The following CPT2 variants were observed in gnomAD, a reference collection of about 807,000 sequenced individuals.
CPT2 encodes carnitine O-palmitoyltransferase 2, mitochondrial.
A neutral mutation model predicts 48.6 loss-of-function variants in CPT2; 37 were observed. The observed-to-expected ratio is 0.76, with a 90% CI of 0.59 to 1.00. The LOEUF (loss-of-function observed/expected upper bound fraction) is 1.00, where lower values mean the gene tolerates loss of function less well. Ranked by LOEUF, CPT2 falls within the 50% of genes least tolerant of loss-of-function variation. The pLI is 0.00. For missense variants in CPT2, 772 were observed against 825.6 expected (o/e 0.94, Z 0.80); for synonymous variants, 319 against 326.9 (o/e 0.98, Z 0.26).
At position 53,213,256 on chromosome 1, in the gene CPT2, T is replaced by A. The variant is rs769778775; in HGVS notation, c.1646-8T>A. On this transcript the variant is annotated splice_polypyrimidine_tract_variant and splice_region_variant and intron_variant, in intron 4 of 4. Coordinates refer to ENST00000371486, the MANE Select transcript of CPT2 (RefSeq NM_000098.3). ...TGAGACTCTGGTTTTCCATTTTGTTTCTCACAGGCCAGGGCTTTGACCGAC... is the reference window on the plus strand; with the variant it reads ...TGAGACTCTGGTTTTCCATTTTGTTACTCACAGGCCAGGGCTTTGACCGAC... 1 of 1,614,050 alleles carries A rather than the reference T, an allele frequency of 6.2e-7. No individual in the cohort carries two copies. Among genetic ancestry groups the A allele is most frequent in the Non-Finnish European group, 8.5e-7 (1 of 1,180,026 alleles).
Position 53,210,457 on chromosome 1 carries a change from G to C in CPT2, c.783G>C (p.Gly261=). 1 of 1,614,132 alleles carries C rather than the reference G, an allele frequency of 6.2e-7. No individual in the cohort carries two copies. Among genetic ancestry groups the C allele is most frequent in the Non-Finnish European group, 8.5e-7 (1 of 1,180,044 alleles). The change falls in exon 4 of 5, where the codon GGG becomes GGC. Residue 261 remains glycine, a synonymous_variant. Transcript: ENST00000371486. The part of the protein sequence containing the change: ...FYIFDVLDQD[G]NIVSPSEIQA... ...TCTTTGATGTCCTGGATCAAGATGGGAACATTGTGAGCCCCTCGGAAATCC... is the reference window on the plus strand; with the variant it reads ...TCTTTGATGTCCTGGATCAAGATGGCAACATTGTGAGCCCCTCGGAAATCC...
At position 53,213,316 on chromosome 1, in the gene CPT2, A is replaced by C; in HGVS notation, c.1698A>C (p.Lys566Asn). The change falls in exon 5 of 5, where the codon AAA becomes AAC. Residue 566 changes from lysine (K) to asparagine (N), a missense_variant. Physicochemically the swap from Lys to Asn is moderately conservative, Grantham distance 94 (BLOSUM62 0). Coordinates refer to ENST00000371486, the MANE Select transcript of CPT2 (RefSeq NM_000098.3). ...LFALRHLAAA[K>N]GIILPELYLD... ...CTCTGCGGCATCTGGCAGCAGCCAAAGGGATCATCTTGCCTGAGCTCTACC... is the reference window on the plus strand; with the variant it reads ...CTCTGCGGCATCTGGCAGCAGCCAACGGGATCATCTTGCCTGAGCTCTACC... 2 of 1,614,238 alleles carry C rather than the reference A, an allele frequency of 1.2e-6. No homozygotes were observed. Among genetic ancestry groups the C allele is most frequent in the Non-Finnish European group, 1.7e-6 (2 of 1,180,038 alleles).
chr1:53,213,469 T>C lies in CPT2; in HGVS notation c.1851T>C (p.His617=), dbSNP rs540322467. 1.6e-4 allele frequency: 256 copies of C among 1,614,264 alleles called. No individual in the cohort carries two copies. In the South Asian group the frequency reaches 2.6e-3, roughly 17 times the overall value. The change falls in exon 5 of 5, where the codon CAT becomes CAC. Residue 617 remains histidine (H), a synonymous_variant. Coordinates refer to ENST00000371486, the MANE Select transcript of CPT2 (RefSeq NM_000098.3). ...SDGFGVGYAV[H]DNWIGCNVSS... is the part of the protein sequence containing the mutation. ...GCTTTGGTGTTGGGTATGCTGTTCA[T>C]GACAACTGGATAGGCTGCAATGTCT...
intron 3 of CPT2, among the ~76,000 whole-genome samples, chr1:53,206,825 C>T (rs1414425591): frequency 6.6e-6 from 1 of 152,174 alleles, no homozygotes; most frequent in East Asian, 1.9e-4. Flanking sequence ...TGAGTTAATG[C>T]TGGAATGAGT....
intron 1 of CPT2, 84 bp downstream of exon 1, chr1:53,197,179 A>G: frequency 6.7e-7 from 1 of 1,493,318 alleles, no homozygotes; most frequent in East Asian, 2.5e-5. Context: ...TGACTCCTCT[A>G]GTGAACCCGT....
In CPT2 at chr1:53,210,849, C is replaced by T. The variant is rs757683330; in HGVS notation, c.1175C>T (p.Thr392Ile). ...RFFNEVFKDS[T>I]QTPAVTPQSQ... Reference sequence around the variant, plus strand: ...TTTAATGAAGTATTTAAAGACAGCACTCAGACCCCTGCCGTCACTCCACAG... The same window carrying T: ...TTTAATGAAGTATTTAAAGACAGCATTCAGACCCCTGCCGTCACTCCACAG... Residue 392 changes from threonine (T) to isoleucine (I), a missense_variant, in exon 4 of 5, where the codon ACT becomes ATT. Physicochemically the swap from Thr to Ile is moderately conservative, Grantham distance 89 (BLOSUM62 -1). Coordinates refer to ENST00000371486, the MANE Select transcript of CPT2 (RefSeq NM_000098.3). The T allele has an allele frequency of 6.2e-7, 1 of 1,614,134 alleles. No individual in the cohort carries two copies. The highest frequency in any genetic ancestry group is 1.1e-5 in the South Asian group (1 of 91,080).
chr1:53,209,567 G>C (rs1357971501), intron 3 of CPT2: 1 of 210,840 alleles, frequency 4.7e-6, no homozygotes, highest in East Asian at 1.2e-4. Context: ...CCTGAGGTCA[G>C]GAGTTTGAGA....
intron 4 of CPT2, among the ~76,000 whole-genome samples, chr1:53,212,067 A>ATT (rs11441059): frequency 0.055 from 7,700 of 138,758 alleles, 623 homozygotes; most frequent in African/African-American, 0.17. Context: ...TGATATTTTA[A>ATT]TTTTTTTTTT....
In CPT2 at chr1:53,213,726, T is replaced by TGA; in HGVS notation, c.*134_*135dup. 1 of 810,064 alleles carries TGA rather than the reference T, an allele frequency of 1.2e-6. No homozygotes were observed. The highest frequency in any genetic ancestry group is 2.0e-6 in the Non-Finnish European group (1 of 494,080). The allele number at this position is 810,064 out of a possible 1,614,324, so 50.2% of individuals were successfully genotyped here. A position where few individuals can be genotyped will look rare whatever the true frequency, so the allele number is the denominator to read the frequency against. ...GGTGGATCACTTGAGGTCAGGAGTTTGAGACCAACCTGGCCAACATGGTGA... is the reference window on the plus strand; with the variant it reads ...GGTGGATCACTTGAGGTCAGGAGTTTGAGAGACCAACCTGGCCAACATGGTGA... On this transcript the variant is annotated 3_prime_UTR_variant, in exon 5 of 5. Transcript: ENST00000371486.
intron 4 of CPT2, among the ~76,000 whole-genome samples, chr1:53,212,429 G>A (rs948230735): frequency 6.6e-6 from 1 of 152,026 alleles, no homozygotes; most frequent in Admixed American, 6.6e-5. Context: ...CAAACTCCTG[G>A]GCTCAAGCAA....
At chr1:53,202,481 A>C (rs1645360189) in intron 3 of CPT2, 52 bp downstream of exon 3, 1 of 1,392,930 alleles carries the variant, frequency 7.2e-7, no homozygotes, top group African/African-American at 1.4e-5. Context: ...TCCATAATGA[A>C]AAGTAAGGCA....
At position 53,210,501 on chromosome 1, in the gene CPT2, T is replaced by C. The variant is rs1331933841; in HGVS notation, c.827T>C (p.Ile276Thr). 2 of 1,613,972 alleles carry C rather than the reference T, an allele frequency of 1.2e-6. No individual in the cohort carries two copies. Among genetic ancestry groups the C allele is most frequent in the East Asian group, 2.2e-5 (1 of 44,890 alleles). Reference protein sequence around the residue: ...PSEIQAHLKYILSDSSPAPEF... With the variant: ...PSEIQAHLKYTLSDSSPAPEF... Reference sequence around the variant, plus strand: ...GAAATCCAGGCACATCTGAAGTACATTCTCTCAGACAGCAGCCCCGCCCCC... The same window carrying C: ...GAAATCCAGGCACATCTGAAGTACACTCTCTCAGACAGCAGCCCCGCCCCC... The change falls in exon 4 of 5, where the codon ATT (isoleucine) becomes ACT (threonine). Residue 276 changes from isoleucine to threonine, a missense_variant. By Grantham distance (89) the Ile-to-Thr change is moderately conservative. Coordinates refer to ENST00000371486, the MANE Select transcript of CPT2 (RefSeq NM_000098.3).
intron 1 of CPT2, among the ~76,000 whole-genome samples, chr1:53,198,532 CTGTG>C (rs1458318197): frequency 1.3e-5 from 2 of 152,218 alleles, no homozygotes; most frequent in Admixed American, 6.5e-5. Context: ...CCCTGTCAAC[CTGTG>C]TGTATGAGCT....
At chr1:53,201,712 G>A (rs1261675259) in intron 2 of CPT2, 1 of 157,344 alleles carries the variant, frequency 6.4e-6, no homozygotes, top group Non-Finnish European at 1.4e-5. Flanking sequence ...TTCTGTACAG[G>A]TAACTGGCAT....
rs1294484533 is a variant in CPT2, at chr1:53,209,955, A to C, written c.341-60A>C. 2.0e-5 allele frequency: 29 copies of C among 1,472,548 alleles called. No homozygotes were observed. In the East Asian group the frequency reaches 2.7e-4, roughly 14 times the overall value. 91.2% of individuals were successfully genotyped at this position (1,472,548 alleles called of 1,614,324 possible). On this transcript the variant is annotated intron_variant, in intron 3 of 4. Coordinates refer to ENST00000371486, the MANE Select transcript of CPT2 (RefSeq NM_000098.3). ...ATGCTTGAATTTTTTTTCTTCTTCA[A>C]ATTTTATTTTTAGGGACAGCATTAA...
rs773695572 is a variant in CPT2, at chr1:53,213,398, A to G, written c.1780A>G (p.Ser594Gly). The stretch of plus-strand genomic sequence containing the variant: ...TGTCCTGTCCACGAGCACACTGAGC[A>G]GCCCAGCAGTGAACCTTGGGGGCTT... ...HNVLSTSTLS[S>G]PAVNLGGFAP... The change falls in exon 5 of 5, where the codon AGC becomes GGC. Residue 594 changes from serine to glycine, a missense_variant. Ser to Gly is a moderately conservative substitution (Grantham distance 56). Transcript: ENST00000371486. The G allele has an allele frequency of 2.5e-5, 41 of 1,614,150 alleles. No individual in the cohort carries two copies. Among genetic ancestry groups the G allele is most frequent in the South Asian group, 2.1e-4 (19 of 91,094 alleles).
rs960946005 is a variant in CPT2 at position 53,213,702 on chromosome 1, G to T, written c.*107G>T. The T allele has an allele frequency of 9.6e-7, 1 of 1,046,170 alleles. No individual in the cohort carries two copies. The highest frequency in any genetic ancestry group is 1.6e-5 in the African/African-American group (1 of 63,878). The allele number at this position is 1,046,170 out of a possible 1,614,324, so 64.8% of individuals were successfully genotyped here. On this transcript the variant is annotated 3_prime_UTR_variant, in exon 5 of 5. Coordinates refer to ENST00000371486, the MANE Select transcript of CPT2 (RefSeq NM_000098.3). ...CCAGCATTTTGAGAGGCTGAGGCGGGTGGATCACTTGAGGTCAGGAGTTTG... is the reference window on the plus strand; with the variant it reads ...CCAGCATTTTGAGAGGCTGAGGCGGTTGGATCACTTGAGGTCAGGAGTTTG...
Position 53,211,061 on chromosome 1 carries a change from C to G in CPT2, c.1387C>G (p.Pro463Ala). The change falls in exon 4 of 5, where the codon CCT becomes GCT. Residue 463 changes from proline to alanine, a missense_variant. Physicochemically the swap from Pro to Ala is conservative, Grantham distance 27. Coordinates refer to ENST00000371486, the MANE Select transcript of CPT2 (RefSeq NM_000098.3). ...ATTCCTGAAGAAGCAAAAGCTGAGC[C>G]CTGACGCAGTTGCCCAGCTGGCATT... is the stretch of plus-strand genomic sequence containing the variant. ...KEFLKKQKLS[P>A]DAVAQLAFQM... 1 of 1,614,186 alleles carries G rather than the reference C, an allele frequency of 6.2e-7. No homozygotes were observed. Among genetic ancestry groups the G allele is most frequent in the Non-Finnish European group, 8.5e-7 (1 of 1,180,032 alleles).
At chr1:53,203,477 T>C (rs928753340) in intron 3 of CPT2, 11 of 152,260 alleles carry the variant, frequency 7.2e-5, no homozygotes, top group Non-Finnish European at 1.6e-4. Flanking sequence ...AATTGTTCCA[T>C]CTTTTCTCTT....
Sources: gnomAD v4.1 joint callset for allele counts (sites outside exome capture counted in the v4.1 genomes callset) on GRCh38, gnomAD v4.1.1 for gene constraint, MANE v1.5 for transcripts, NCBI Gene and HGNC (gene_info 2026-07-23, HGNC 2026-07-21) for gene names.